DNAH11: variants seen among roughly 807,000 people sequenced by gnomAD.
The protein encoded by DNAH11 is dynein axonemal heavy chain 11.
A neutral mutation model predicts 526.0 loss-of-function variants in DNAH11; 442 were observed. The ratio of observed to expected loss-of-function variants is 0.84; its 90% confidence interval spans 0.78 to 0.91. The LOEUF (loss-of-function observed/expected upper bound fraction) is 0.91. DNAH11 is among the 40% of genes least tolerant of loss of function. DNAH11 has a pLI of 0.00. For missense variants in DNAH11, 6,989 were observed against 5,448.7 expected (o/e 1.28, Z -8.90); for synonymous variants, 2,461 against 1,935.9 (o/e 1.27, Z -7.12).
At chr7:21,898,655 C>A (rs1245185957) in intron 79 of DNAH11, among the ~76,000 whole-genome samples, 1 of 152,176 alleles carries the variant, frequency 6.6e-6, no homozygotes, top group African/African-American at 2.4e-5. Flanking sequence ...TTCATCTGTC[C>A]CTAGCCTCTG....
At chr7:21,709,549 C>T (rs1291692482) in intron 40 of DNAH11, among the ~76,000 whole-genome samples, 2 of 152,124 alleles carry the variant, frequency 1.3e-5, no homozygotes, top group African/African-American at 2.4e-5. Context: ...TGCAACAAAC[C>T]TGCATGTGTA....
intron 14 of DNAH11, among the ~76,000 whole-genome samples, chr7:21,598,312 A>C (rs947376610): frequency 2.0e-5 from 3 of 152,072 alleles, no homozygotes; most frequent in African/African-American, 7.2e-5. Context: ...CAGCCTCTCT[A>C]GAATCAACTT....
chr7:21,702,675 C>G (rs760908260), intron 36 of DNAH11, 35 bp from the exon 37 acceptor site: 1 of 1,582,090 alleles, frequency 6.3e-7, no homozygotes, highest in South Asian at 1.1e-5. Context: ...TTCCCTCATA[C>G]AATTTTTGAG....
rs1277294492 is a variant in DNAH11 at position 21,650,724 on chromosome 7, C to G, written c.4945-5108C>G. Among the ~76,000 whole-genome samples the G allele has an allele frequency of 2.0e-5, 3 of 152,022 alleles. No homozygotes were observed. In the East Asian group the frequency reaches 5.8e-4, roughly 29 times the overall value. On this transcript the variant is annotated intron_variant, in intron 28 of 81. Transcript: ENST00000409508. ...GTGCAATCTCAGCTCACTGCAACCTCTGCCTCCCGGGTTCAAGCGATTCTC... is the reference window on the plus strand; with the variant it reads ...GTGCAATCTCAGCTCACTGCAACCTGTGCCTCCCGGGTTCAAGCGATTCTC...
intron 62 of DNAH11, among the ~76,000 whole-genome samples, chr7:21,802,250 G>C (rs1369192760): frequency 6.6e-6 from 1 of 152,152 alleles, no homozygotes; most frequent in African/African-American, 2.4e-5. Flanking sequence ...AACTCCATTA[G>C]TCGTTAGAGA....
intron 18 of DNAH11, among the ~76,000 whole-genome samples, chr7:21,602,558 TGTG>T (rs1785135371): frequency 2.6e-4 from 1 of 3,848 alleles, no homozygotes; most frequent in East Asian, 7.5e-3. Flanking sequence ...TTTTATAGAT[TGTG>T]TGTGTGTGTG....
At chr7:21,740,397 C>A (rs1212393326) in intron 48 of DNAH11, among the ~76,000 whole-genome samples, 1 of 152,124 alleles carries the variant, frequency 6.6e-6, no homozygotes, top group Non-Finnish European at 1.5e-5. Context: ...TCCCCACTTT[C>A]CCCTGGCAAC....
chr7:21,613,554 A>G (rs544094239), intron 20 of DNAH11, among the ~76,000 whole-genome samples: 1 of 152,332 alleles, frequency 6.6e-6, no homozygotes, highest in South Asian at 2.1e-4. Context: ...TTCTTTACAT[A>G]GTAGGAAATG....
chr7:21,854,132 A>T (rs1782741652), intron 67 of DNAH11, among the ~76,000 whole-genome samples, 183 bp from the exon 68 acceptor site: 1 of 152,166 alleles, frequency 6.6e-6, no homozygotes, highest in Admixed American at 6.5e-5. Flanking sequence ...TCAGTTTATT[A>T]AAAAAATTAT....
intron 63 of DNAH11, among the ~76,000 whole-genome samples, chr7:21,813,515 A>G (rs1583725464): frequency 6.6e-6 from 1 of 152,338 alleles, no homozygotes; most frequent in East Asian, 1.9e-4. Flanking sequence ...CTGTAACATT[A>G]GGAGAAACTG....
In DNAH11 at chr7:21,745,000, A is replaced by G. The variant is rs2128491734; in HGVS notation, c.8447A>G (p.Asp2816Gly). Residue 2816 changes from aspartate (D) to glycine (G), a missense_variant, in exon 51 of 82, where the codon GAC becomes GGC. Asp to Gly is a moderately conservative substitution (Grantham distance 94). Coordinates refer to ENST00000409508, the MANE Select transcript of DNAH11 (RefSeq NM_001277115.2). Reference protein sequence around the residue: ...VLKTILTETLDNYNELNAAMH... With the variant: ...VLKTILTETLGNYNELNAAMH... ...AAGACGATTCTTACAGAAACGTTAG[A>G]CAACTACAATGAACTAAATGCTGCC... is the stretch of plus-strand genomic sequence containing the variant. 1 of 1,610,352 alleles carries G rather than the reference A, an allele frequency of 6.2e-7. No individual in the cohort carries two copies. Among genetic ancestry groups the G allele is most frequent in the Non-Finnish European group, 8.5e-7 (1 of 1,178,256 alleles).
At chr7:21,848,535 C>T (rs1583768695) in intron 66 of DNAH11, among the ~76,000 whole-genome samples, 2 of 151,878 alleles carry the variant, frequency 1.3e-5, no homozygotes, top group Admixed American at 1.3e-4. Flanking sequence ...TTTTTCTCTT[C>T]TTCTGCCATC....
At chr7:21,555,921 A>G (rs187896592) in intron 2 of DNAH11, among the ~76,000 whole-genome samples, 10 of 152,342 alleles carry the variant, frequency 6.6e-5, no homozygotes, top group Non-Finnish European at 1.0e-4. Flanking sequence ...ATCCGAACCC[A>G]AAGAATGGAC....
chr7:21,827,698 A>C (rs1790366813), intron 65 of DNAH11, among the ~76,000 whole-genome samples: 1 of 151,972 alleles, frequency 6.6e-6, no homozygotes, highest in African/African-American at 2.4e-5. Flanking sequence ...ATATTTATTT[A>C]TTTTATAATG....
At chr7:21,762,403 T>G (rs944043522) in intron 54 of DNAH11, among the ~76,000 whole-genome samples, 34 of 152,184 alleles carry the variant, frequency 2.2e-4, no homozygotes, top group African/African-American at 8.0e-4. Context: ...TAAAAGATGC[T>G]TTTTTTCCTC....
At chr7:21,850,098 T>C (rs1583770502) in intron 66 of DNAH11, among the ~76,000 whole-genome samples, 1 of 152,112 alleles carries the variant, frequency 6.6e-6, no homozygotes, top group East Asian at 1.9e-4. Flanking sequence ...GGCTCACGCC[T>C]GTAATCCCAG....
chr7:21,801,265 A>G lies in DNAH11; in HGVS notation c.10155A>G (p.Glu3385=). ...TIKLANRLVK[E]LEAKKIRWGQ... ...AATTAGCTAACAGACTTGTCAAGGA[A>G]CTTGAGGCAAGTTAAACCTTTTCTT... is the stretch of plus-strand genomic sequence containing the variant. The change falls in exon 62 of 82, where the codon GAA becomes GAG. Residue 3385 remains glutamate, a synonymous_variant. Transcript: ENST00000409508. 1 of 1,613,906 alleles carries G rather than the reference A, an allele frequency of 6.2e-7. No homozygotes were observed. The highest frequency in any genetic ancestry group is 8.5e-7 in the Non-Finnish European group (1 of 1,179,852).
At chr7:21,554,659 C>G (rs1019487607) in intron 2 of DNAH11, among the ~76,000 whole-genome samples, 5 of 152,098 alleles carry the variant, frequency 3.3e-5, no homozygotes, top group African/African-American at 1.2e-4. Context: ...GGTATAAAAA[C>G]TGGATTCTAG....
intron 2 of DNAH11, among the ~76,000 whole-genome samples, chr7:21,555,733 A>G (rs1487510041): frequency 6.6e-6 from 1 of 152,110 alleles, no homozygotes; most frequent in Admixed American, 6.5e-5. Context: ...TGTTGCCTCC[A>G]CTGCCTCCTG....
Sources: gnomAD v4.1 joint callset for allele counts (sites outside exome capture counted in the v4.1 genomes callset) on GRCh38, gnomAD v4.1.1 for gene constraint, MANE v1.5 for transcripts, NCBI Gene and HGNC (gene_info 2026-07-23, HGNC 2026-07-21) for gene names.